Variants in CADM3 observed in about 807,000 individuals in gnomAD.
The protein encoded by CADM3 is cell adhesion molecule 3, also known as TSLC1-like 1.
In CADM3, 11 loss-of-function variants were observed where a neutral mutation model predicts 44.9. The ratio of observed to expected loss-of-function variants is 0.25; its 90% CI spans 0.15 to 0.41. The LOEUF (loss-of-function observed/expected upper bound fraction) is 0.41, where lower values mean the gene tolerates loss of function less well. CADM3 is among the 10% of genes least tolerant of loss of function. The probability of loss-of-function intolerance (pLI) is 1.00; values close to 1 mark genes in which losing one functional copy is unlikely to be tolerated. For missense variants in CADM3, 426 were observed against 512.0 expected, an observed-to-expected ratio of 0.83 and a Z score of 1.62; for synonymous variants, 207 against 205.2, an observed-to-expected ratio of 1.01 and a Z score of -0.08.
intron 1 of CADM3, among the ~76,000 whole-genome samples, chr1:159,189,344 G>A (rs1649553036): frequency 6.6e-6 from 1 of 152,196 alleles, no homozygotes; most frequent in African/African-American, 2.4e-5. Flanking sequence ...TAATTTTAGT[G>A]AATCATATGG....
At chr1:159,194,904 G>A (rs1649827434) in intron 5 of CADM3, 1 of 152,210 alleles carries the variant, frequency 6.6e-6, no homozygotes, top group Non-Finnish European at 1.5e-5. Context: ...TCTCTGGGTG[G>A]AGGAACCAAA....
At position 159,189,903 on chromosome 1, in the gene CADM3, C is replaced by T. The variant is rs778121221; in HGVS notation, c.89-2033C>T. 2.8e-6 allele frequency: 4 copies of T among 1,438,762 alleles called. No individual in the cohort carries two copies. In the East Asian group the frequency reaches 9.7e-5, roughly 35 times the overall value. 89.1% of individuals were successfully genotyped at this position (1,438,762 alleles called of 1,614,324 possible). A position where few individuals can be genotyped will look rare whatever the true frequency, so the allele number is the denominator to read the frequency against. ...AATCCAGGCCCCCTCATCTCAATGT[C>T]CCTCAGTTCCCTCACTCATCCTCAC... On this transcript the variant is annotated intron_variant, in intron 1 of 8. Transcript: ENST00000368125.
intron 1 of CADM3, among the ~76,000 whole-genome samples, chr1:159,183,501 T>C (rs187145180): frequency 3.7e-4 from 56 of 152,022 alleles, no homozygotes; most frequent in African/African-American, 1.3e-3. Context: ...GATGGGGCAG[T>C]GAGGTGGAGA....
At chr1:159,185,840 C>G (rs185480385) in intron 1 of CADM3, among the ~76,000 whole-genome samples, 1 of 152,140 alleles carries the variant, frequency 6.6e-6, no homozygotes, top group African/African-American at 2.4e-5. Context: ...CTTCTATAAG[C>G]AATATGCTAT....
At position 159,171,683 on chromosome 1, in the gene CADM3, T is replaced by C; in HGVS notation, c.-83T>C. The C allele has an allele frequency of 5.6e-6, 6 of 1,062,114 alleles. No individual in the cohort carries two copies. Among genetic ancestry groups the C allele is most frequent in the Non-Finnish European group, 7.2e-6 (6 of 833,736 alleles). The allele number at this position is 1,062,114 out of a possible 1,614,324, so 65.8% of individuals were successfully genotyped here. A position where few individuals can be genotyped will look rare whatever the true frequency, so the allele number is the denominator to read the frequency against. On this transcript the variant is annotated 5_prime_UTR_variant, in exon 1 of 9. Coordinates refer to ENST00000368125, the MANE Select transcript of CADM3 (RefSeq NM_001127173.3). ...CTCGGGGGCGCCCTTTCGGTCAACATCGTAGTCCACCCCCTCCCCATCCCC... is the reference window on the plus strand; with the variant it reads ...CTCGGGGGCGCCCTTTCGGTCAACACCGTAGTCCACCCCCTCCCCATCCCC...
rs1028238000 is a variant in CADM3 at position 159,177,115 on chromosome 1, G to A, written c.88+5262G>A. On this transcript the variant is annotated intron_variant, in intron 1 of 8. Transcript: ENST00000368125. ...CTCTCTGTTCCCTCTTTAGAAGATA[G>A]GCCTAATTTTACTCACGGTAAGTTG... Among the ~76,000 whole-genome samples the A allele has an allele frequency of 2.0e-5, 3 of 152,152 alleles. No homozygotes were observed. In the East Asian group the frequency reaches 5.8e-4, roughly 29 times the overall value.
In CADM3 at chr1:159,200,656, C is replaced by T. The variant is rs547466466; in HGVS notation, c.1079-148C>T. The T allele has an allele frequency of 3.0e-3, 1,671 of 553,512 alleles. 3 individuals are homozygous for T. The highest frequency in any genetic ancestry group is 4.6e-3 in the Non-Finnish European group (1,392 of 305,384). The allele number at this position is 553,512 out of a possible 1,614,324, so 34.3% of individuals were successfully genotyped here. A position where few individuals can be genotyped will look rare whatever the true frequency, so the allele number is the denominator to read the frequency against. On this transcript the variant is annotated intron_variant, in intron 8 of 8. Coordinates refer to ENST00000368125, the MANE Select transcript of CADM3 (RefSeq NM_001127173.3). ...GGTGAGGCATGTTGGAAGCAAAATG[C>T]GAATTAGGTAAGGTGGAGTAGAAGA... is the stretch of plus-strand genomic sequence containing the variant.
chr1:159,181,693 A>G (rs984488924), intron 1 of CADM3, among the ~76,000 whole-genome samples: 2 of 152,056 alleles, frequency 1.3e-5, no homozygotes, highest in Non-Finnish European at 2.9e-5. Context: ...CCTTGCTACA[A>G]CTCAGTATTG....
At chr1:159,188,718 G>A (rs1024018220) in intron 1 of CADM3, among the ~76,000 whole-genome samples, 4 of 152,190 alleles carry the variant, frequency 2.6e-5, no homozygotes, top group Admixed American at 2.6e-4. Flanking sequence ...GCCTCTTCAG[G>A]TTGGGCTAGG....
At chr1:159,178,812 C>T (rs930307014) in intron 1 of CADM3, among the ~76,000 whole-genome samples, 1 of 152,132 alleles carries the variant, frequency 6.6e-6, no homozygotes, top group Non-Finnish European at 1.5e-5. Flanking sequence ...TTCTTCACAT[C>T]GCATCAGAAC....
chr1:159,175,142 G>T (rs535719778), intron 1 of CADM3, among the ~76,000 whole-genome samples: 6 of 152,218 alleles, frequency 3.9e-5, no homozygotes, highest in Non-Finnish European at 7.3e-5. Flanking sequence ...CTGTTTGGCA[G>T]ATCAACTCCA....
intron 1 of CADM3, among the ~76,000 whole-genome samples, chr1:159,177,349 G>A (rs1457818374): frequency 6.6e-6 from 1 of 152,162 alleles, no homozygotes; most frequent in Non-Finnish European, 1.5e-5. Context: ...TAGAAGCCAT[G>A]ATGTCTGTTC....
chr1:159,196,495 A>T (rs750427695), intron 6 of CADM3, 41 bp downstream of exon 6: 27 of 1,513,724 alleles, frequency 1.8e-5, no homozygotes, highest in African/African-American at 2.8e-5. Flanking sequence ...TACTCTCCAC[A>T]TTCTCAGATT....
At chr1:159,173,395 A>G (rs556585808) in intron 1 of CADM3, among the ~76,000 whole-genome samples, 4 of 151,726 alleles carry the variant, frequency 2.6e-5, no homozygotes, top group Admixed American at 2.0e-4. Context: ...TGGTATGGGG[A>G]CCCTGGGGAT....
In CADM3 at chr1:159,202,897, C is replaced by A. The variant is rs1408479501; in HGVS notation, c.*1975C>A. On this transcript the variant is annotated 3_prime_UTR_variant, in exon 9 of 9. Transcript: ENST00000368125. ...CCAGGCCTGTTGAGCTTCTTGTCTC[C>A]CAGCACCCGCTTTTGGGAAAATGAC... 1 of 151,626 alleles carries A rather than the reference C, an allele frequency of 6.6e-6. No homozygotes were observed. The highest frequency in any genetic ancestry group is 1.5e-5 in the Non-Finnish European group (1 of 67,976). The allele number at this position is 151,626 out of a possible 1,614,324, so 9.4% of individuals were successfully genotyped here. A position where few individuals can be genotyped will look rare whatever the true frequency, so the allele number is the denominator to read the frequency against.
intron 1 of CADM3, among the ~76,000 whole-genome samples, chr1:159,172,156 G>T (rs994546984): frequency 6.6e-6 from 1 of 151,994 alleles, no homozygotes; most frequent in South Asian, 2.1e-4. Flanking sequence ...TGCTGTCCGT[G>T]TGCGCGCGCG....
rs1300294726 is a variant in CADM3 at position 159,171,799 on chromosome 1, C to T, written c.34C>T (p.Leu12Phe). ...CCCAGCCGCCTCGCTCCTGCTCCTG[C>T]TCCTGCTGTTCGCCTGCTGCTGGGC... ...GAPAASLLLL[L>F]LLFACCWAPG... Residue 12 changes from leucine to phenylalanine, a missense_variant, in exon 1 of 9, where the codon CTC (leucine) becomes TTC (phenylalanine). By Grantham distance (22) the Leu-to-Phe change is conservative. Coordinates refer to ENST00000368125, the MANE Select transcript of CADM3 (RefSeq NM_001127173.3). 2 of 1,247,032 alleles carry T rather than the reference C, an allele frequency of 1.6e-6. No homozygotes were observed. The highest frequency in any genetic ancestry group is 1.0e-6 in the Non-Finnish European group (1 of 994,808). The allele number at this position is 1,247,032 out of a possible 1,614,324, so 77.2% of individuals were successfully genotyped here. A position where few individuals can be genotyped will look rare whatever the true frequency, so the allele number is the denominator to read the frequency against.
At chr1:159,181,144 C>A (rs1208614283) in intron 1 of CADM3, among the ~76,000 whole-genome samples, 1 of 152,282 alleles carries the variant, frequency 6.6e-6, no homozygotes, top group East Asian at 1.9e-4. Flanking sequence ...GCGTTTGACT[C>A]TGTTATGTTT....
Position 159,197,861 on chromosome 1 carries a change from T to C in CADM3, c.952+801T>C, listed in dbSNP as rs2102134982. ...GGATAAGAGCCAGGCCTCCCAGCGA[T>C]AAGAGGTCTGAGTTCTTGGGATCAG... On this transcript the variant is annotated intron_variant, in intron 7 of 8. Coordinates refer to ENST00000368125, the MANE Select transcript of CADM3 (RefSeq NM_001127173.3). 1.3e-5 allele frequency: 2 copies of C among 152,336 alleles called. 1 individual carries two copies. Among genetic ancestry groups the C allele is most frequent in the Admixed American group, 1.3e-4 (2 of 15,302 alleles). The allele number at this position is 152,336 out of a possible 1,614,324, so 9.4% of individuals were successfully genotyped here.
Sources: allele counts gnomAD v4.1 joint callset (sites outside exome capture counted in the v4.1 genomes callset), GRCh38; gene constraint gnomAD v4.1.1; transcripts MANE v1.5; gene names NCBI Gene and HGNC (gene_info 2026-07-23, HGNC 2026-07-21).